SMOC1: variants seen among roughly 807,000 people sequenced by gnomAD.
SMOC1 encodes SPARC-related modular calcium-binding protein 1.
Under a neutral mutation model 56.3 loss-of-function variants are expected in SMOC1, and 22 were observed. The ratio of observed to expected loss-of-function variants is 0.39; its 90% CI spans 0.28 to 0.56. The LOEUF (loss-of-function observed/expected upper bound fraction) is 0.56, where lower values mean the gene tolerates loss of function less well. SMOC1 is among the 20% of genes least tolerant of loss of function. SMOC1 has a pLI of 0.61. For missense variants in SMOC1, 509 were observed against 565.4 expected (o/e 0.90, Z 1.01); for synonymous variants, 193 against 215.0 (o/e 0.90, Z 0.89).
intron 1 of SMOC1, among the ~76,000 whole-genome samples, chr14:69,934,991 G>C (rs552573250): frequency 6.6e-6 from 1 of 152,228 alleles, no homozygotes; most frequent in Admixed American, 6.5e-5. Flanking sequence ...CACATAGAAG[G>C]CATACAATAA....
intron 1 of SMOC1, among the ~76,000 whole-genome samples, chr14:69,888,463 C>T (rs769328974): frequency 2.6e-5 from 4 of 152,196 alleles, no homozygotes; most frequent in African/African-American, 4.8e-5. Flanking sequence ...GGGGCAGCCT[C>T]TCTAAGACAG....
At chr14:70,010,036 G>T (rs754419243) in intron 7 of SMOC1, among the ~76,000 whole-genome samples, 1 of 152,222 alleles carries the variant, frequency 6.6e-6, no homozygotes, top group Non-Finnish European at 1.5e-5. Context: ...CCGGGGACTG[G>T]CTCGGGGGAA....
intron 1 of SMOC1, among the ~76,000 whole-genome samples, chr14:69,922,940 T>G (rs533099389): frequency 6.7e-6 from 1 of 149,728 alleles, no homozygotes; most frequent in South Asian, 2.1e-4. Flanking sequence ...CTCTTTTTTT[T>G]GTTTTTTTTG....
chr14:69,915,402 G>C (rs925145217), intron 1 of SMOC1, among the ~76,000 whole-genome samples: 1 of 152,064 alleles, frequency 6.6e-6, no homozygotes, highest in African/African-American at 2.4e-5. Flanking sequence ...GTCGTATCTC[G>C]TACTTACTCA....
rs950505055 is a variant in SMOC1, at chr14:70,010,690, A to G, written c.665-64A>G. On this transcript the variant is annotated intron_variant, in intron 7 of 11. Coordinates refer to ENST00000361956, the MANE Select transcript of SMOC1 (RefSeq NM_001034852.3). The stretch of plus-strand genomic sequence containing the variant: ...TTGCTACTTACTTTGGATGCTGGGC[A>G]CAGAAGACAGGAGTGTTAAATCACA... The G allele has an allele frequency of 8.9e-6, 14 of 1,566,332 alleles. No individual in the cohort carries two copies. In the Admixed American group the frequency reaches 1.2e-4, roughly 13 times the overall value.
At chr14:70,016,113 C>T (rs929011095) in intron 10 of SMOC1, among the ~76,000 whole-genome samples, 5 of 152,222 alleles carry the variant, frequency 3.3e-5, no homozygotes, top group East Asian at 3.9e-4. Context: ...AAGAGCACTG[C>T]GTGGGCTCTG....
At chr14:69,919,711 G>C (rs770775368) in intron 1 of SMOC1, among the ~76,000 whole-genome samples, 42 of 152,314 alleles carry the variant, frequency 2.8e-4, no homozygotes, top group Middle Eastern at 3.4e-3. Flanking sequence ...GTGGGCCTAA[G>C]ATCTACAGGG....
At chr14:69,939,868 C>A (rs1244829837) in intron 1 of SMOC1, among the ~76,000 whole-genome samples, 1 of 152,142 alleles carries the variant, frequency 6.6e-6, no homozygotes, top group Non-Finnish European at 1.5e-5. Context: ...TGGCTGTGCC[C>A]ATGGTGAAAG....
At chr14:69,917,427 CAT>C (rs1196733282) in intron 1 of SMOC1, among the ~76,000 whole-genome samples, 1 of 152,202 alleles carries the variant, frequency 6.6e-6, no homozygotes, top group Non-Finnish European at 1.5e-5. Flanking sequence ...CGTGGACAGA[CAT>C]GTGTAGCTTG....
intron 3 of SMOC1, among the ~76,000 whole-genome samples, chr14:69,969,901 G>T (rs895709293): frequency 6.6e-6 from 1 of 152,118 alleles, no homozygotes; most frequent in African/African-American, 2.4e-5. Flanking sequence ...GTATCAAATT[G>T]GAGAGAACAG....
In SMOC1 at chr14:69,917,332, A is replaced by C. The variant is rs575885564; in HGVS notation, c.100-34806A>C. Among the ~76,000 whole-genome samples the C allele has an allele frequency of 3.9e-5, 6 of 152,324 alleles. No individual in the cohort carries two copies. The East Asian group carries it at 1.2e-3, about 29-fold the overall frequency. On this transcript the variant is annotated intron_variant, in intron 1 of 11. Transcript: ENST00000361956. ...AACACCTCGCTGACAATGCTCACGG[A>C]GCCTGTGTGCCTGAGCCCTGCCCAG...
At chr14:69,985,542 C>T (rs545669492) in intron 5 of SMOC1, among the ~76,000 whole-genome samples, 9 of 152,328 alleles carry the variant, frequency 5.9e-5, no homozygotes, top group Middle Eastern at 6.8e-3. Flanking sequence ...CACAGTAGTA[C>T]TGCCCTACCC....
chr14:69,891,640 GT>G (rs1219989929), intron 1 of SMOC1, among the ~76,000 whole-genome samples: 1 of 152,104 alleles, frequency 6.6e-6, no homozygotes, highest in African/African-American at 2.4e-5. Context: ...CTCCCGGCCT[GT>G]GCCTGCCAGC....
intron 5 of SMOC1, among the ~76,000 whole-genome samples, chr14:69,985,375 C>A (rs144852602): frequency 1.3e-5 from 2 of 152,250 alleles, no homozygotes; most frequent in African/African-American, 4.8e-5. Flanking sequence ...ACCATATAAT[C>A]CAGCAGTTGC....
At chr14:69,909,901 A>G (rs1884511795) in intron 1 of SMOC1, among the ~76,000 whole-genome samples, 2 of 152,158 alleles carry the variant, frequency 1.3e-5, no homozygotes, top group Admixed American at 1.3e-4. Flanking sequence ...CCAGGACAGG[A>G]CTCCATTGAT....
At chr14:70,015,442 A>G (rs1885475249) in intron 10 of SMOC1, among the ~76,000 whole-genome samples, 3 of 143,262 alleles carry the variant, frequency 2.1e-5, no homozygotes, top group Non-Finnish European at 4.5e-5. Flanking sequence ...TCTTACCACA[A>G]TAAAATTAAC....
intron 1 of SMOC1, among the ~76,000 whole-genome samples, chr14:69,927,130 A>G (rs1445527728): frequency 6.6e-6 from 1 of 152,274 alleles, no homozygotes; most frequent in African/African-American, 2.4e-5. Flanking sequence ...CAACATGCCC[A>G]AGGGCAAAAA....
intron 3 of SMOC1, among the ~76,000 whole-genome samples, chr14:69,961,272 G>GTATATATATATATA (rs35703501): frequency 1.2e-4 from 9 of 74,982 alleles, no homozygotes; most frequent in East Asian, 3.9e-4. Flanking sequence ...ATTCTATTGT[G>GTATATATATATATA]TATATATATA....
intron 3 of SMOC1, among the ~76,000 whole-genome samples, chr14:69,965,850 C>T (rs906887398): frequency 3.9e-5 from 6 of 152,228 alleles, no homozygotes; most frequent in East Asian, 1.9e-4. Context: ...TTAAGACACA[C>T]GTTTAGGGCT....
Sources: allele counts gnomAD v4.1 joint callset (sites outside exome capture counted in the v4.1 genomes callset), GRCh38; gene constraint gnomAD v4.1.1; transcripts MANE v1.5; gene names NCBI Gene and HGNC (gene_info 2026-07-23, HGNC 2026-07-21).